The following MAP4K4 variants were observed in gnomAD, a reference collection of about 807,000 sequenced individuals.
MAP4K4 encodes mitogen-activated protein kinase kinase kinase kinase 4, also known as HPK/GCK-like kinase HGK.
Under a neutral mutation model 189.6 loss-of-function variants are expected in MAP4K4, and 38 were observed. That is an observed-to-expected ratio of 0.20 (90% CI 0.15 to 0.26). The LOEUF (loss-of-function observed/expected upper bound fraction) is 0.26. Among genes scored for constraint, MAP4K4 ranks in the 10% least tolerant of loss-of-function variants. The probability of loss-of-function intolerance (pLI) is 1.00; values close to 1 mark genes in which losing one functional copy is unlikely to be tolerated. For missense variants in MAP4K4, 1,054 were observed against 1,726.9 expected (o/e 0.61, Z 6.91); for synonymous variants, 610 against 624.3 (o/e 0.98, Z 0.34).
At chr2:101,820,993 A>G (rs562601671) in intron 3 of MAP4K4, among the ~76,000 whole-genome samples, 24 of 152,278 alleles carry the variant, frequency 1.6e-4, no homozygotes, top group Non-Finnish European at 2.9e-4. Flanking sequence ...GTTTTAGAAT[A>G]AAGTTCCTTT....
chr2:101,787,468 G>A (rs1387413281), intron 2 of MAP4K4, among the ~76,000 whole-genome samples: 1 of 152,188 alleles, frequency 6.6e-6, no homozygotes, highest in Non-Finnish European at 1.5e-5. Context: ...TAGCTAAAGA[G>A]ATGCCAGGAG....
intron 3 of MAP4K4, among the ~76,000 whole-genome samples, chr2:101,820,454 G>C (rs574103749): frequency 1.1e-3 from 161 of 152,224 alleles, no homozygotes; most frequent in Non-Finnish European, 1.5e-3. Flanking sequence ...TTTTGTTTTT[G>C]TGTAGTTTTT....
At chr2:101,749,261 A>G (rs1274110928) in intron 2 of MAP4K4, among the ~76,000 whole-genome samples, 2 of 151,986 alleles carry the variant, frequency 1.3e-5, no homozygotes, top group Non-Finnish European at 3.0e-5. Context: ...TTCAAACTGT[A>G]CTACAAGGCT....
chr2:101,822,454 T>C (rs1341005821), intron 3 of MAP4K4, among the ~76,000 whole-genome samples: 1 of 152,264 alleles, frequency 6.6e-6, no homozygotes, highest in Non-Finnish European at 1.5e-5. Flanking sequence ...TGAGAATTAC[T>C]ATTCTAAGAT....
intron 2 of MAP4K4, among the ~76,000 whole-genome samples, chr2:101,782,326 A>C (rs563566667): frequency 1.3e-5 from 2 of 152,174 alleles, no homozygotes. Context: ...ATTGCCTGCA[A>C]TTGAGGTATA....
chr2:101,809,436 A>G (rs1225788759), intron 3 of MAP4K4, among the ~76,000 whole-genome samples: 1 of 151,758 alleles, frequency 6.6e-6, no homozygotes, highest in African/African-American at 2.4e-5. Flanking sequence ...TAATCGATAT[A>G]TTTTCCCTGA....
chr2:101,797,547 T>C (rs1312894452), intron 3 of MAP4K4, among the ~76,000 whole-genome samples: 1 of 152,150 alleles, frequency 6.6e-6, no homozygotes, highest in Non-Finnish European at 1.5e-5. Flanking sequence ...TTTTCTTACC[T>C]TAGACAACTT....
In MAP4K4 at chr2:101,868,017, G is replaced by T; in HGVS notation, c.2455-12G>T. On this transcript the variant is annotated splice_polypyrimidine_tract_variant and intron_variant, in intron 20 of 32. Transcript: ENST00000324219. ...GGCTTCTCGGACTCCACGAAACTGC[G>T]CTGTACTGAAGGGCGAAGTGGTAAG... 3 of 1,613,192 alleles carry T rather than the reference G, an allele frequency of 1.9e-6. No individual in the cohort carries two copies. Among genetic ancestry groups the T allele is most frequent in the Non-Finnish European group, 8.5e-7 (1 of 1,179,676 alleles).
At chr2:101,700,779 G>A (rs1322102777) in intron 2 of MAP4K4, among the ~76,000 whole-genome samples, 2 of 137,404 alleles carry the variant, frequency 1.5e-5, no homozygotes, top group Non-Finnish European at 3.3e-5. Flanking sequence ...TCAGTAAAAT[G>A]TGTTTTTTTT....
intron 12 of MAP4K4, among the ~76,000 whole-genome samples, chr2:101,846,831 C>T (rs1489112212): frequency 2.0e-5 from 3 of 152,156 alleles, no homozygotes; most frequent in South Asian, 2.1e-4. Flanking sequence ...GGTCAGCTAG[C>T]TGCTTGTTAC....
chr2:101,872,934 C>G (rs2098091583), intron 24 of MAP4K4, among the ~76,000 whole-genome samples: 1 of 152,172 alleles, frequency 6.6e-6, no homozygotes. Context: ...ACTCACTAAA[C>G]CGGCAAATTT....
chr2:101,791,512 C>T (rs1301012979), intron 3 of MAP4K4, among the ~76,000 whole-genome samples: 1 of 152,026 alleles, frequency 6.6e-6, no homozygotes, highest in Non-Finnish European at 1.5e-5. Flanking sequence ...ACTTTATGCT[C>T]ATGTTTGCCC....
intron 4 of MAP4K4, among the ~76,000 whole-genome samples, chr2:101,824,428 G>T (rs1415207323): frequency 6.6e-6 from 1 of 152,130 alleles, no homozygotes; most frequent in Non-Finnish European, 1.5e-5. Flanking sequence ...ACTTGGAAAT[G>T]AGAGACAGAT....
intron 10 of MAP4K4, among the ~76,000 whole-genome samples, chr2:101,841,567 C>G (rs1405892326): frequency 6.6e-6 from 1 of 151,904 alleles, no homozygotes; most frequent in African/African-American, 2.4e-5. Context: ...CTCCCAGGTT[C>G]AAGTGATTGT....
Position 101,893,059 on chromosome 2 carries a change from C to T in MAP4K4, c.*1810C>T, listed in dbSNP as rs144265864. 193 of 456,442 alleles carry T rather than the reference C, an allele frequency of 4.2e-4. 3 individuals carry two copies. The East Asian group carries it at 0.011, about 26-fold the overall frequency. The allele number at this position is 456,442 out of a possible 1,614,324, so 28.3% of individuals were successfully genotyped here. ...ATGGGGGATTTTCCCTCTGCTCCCACCCACCTAAACACAGCAGCCATTTGT... is the reference window on the plus strand; with the variant it reads ...ATGGGGGATTTTCCCTCTGCTCCCATCCACCTAAACACAGCAGCCATTTGT... On this transcript the variant is annotated 3_prime_UTR_variant, in exon 33 of 33. Coordinates refer to ENST00000324219, the Ensembl canonical transcript of MAP4K4.
intron 9 of MAP4K4, among the ~76,000 whole-genome samples, chr2:101,839,490 C>T (rs1299607393): frequency 6.6e-6 from 1 of 152,166 alleles, no homozygotes; most frequent in East Asian, 1.9e-4. Context: ...CCCTTTACCC[C>T]CTTGCTGCCA....
At chr2:101,794,821 T>A (rs1198051030) in intron 3 of MAP4K4, among the ~76,000 whole-genome samples, 1 of 152,240 alleles carries the variant, frequency 6.6e-6, no homozygotes, top group Admixed American at 6.5e-5. Flanking sequence ...TATTTTTATT[T>A]TTATTTTTAA....
chr2:101,748,305 CTCTGTGTATATGGAAGTAACAAATGCT>C (rs2066692332), intron 2 of MAP4K4, among the ~76,000 whole-genome samples: 1 of 152,126 alleles, frequency 6.6e-6, no homozygotes, highest in African/African-American at 2.4e-5. Flanking sequence ...GGGTATGTGC[CTCTGTGTATATGGAAGTAACAAATGCT>C]TCTGGTATTT....
At chr2:101,831,357 C>T (rs114567458) in intron 6 of MAP4K4, among the ~76,000 whole-genome samples, 13 of 152,256 alleles carry the variant, frequency 8.5e-5, no homozygotes, top group Non-Finnish European at 1.6e-4. Context: ...GCATCTCAGT[C>T]AGTTCTCCTG....
Sources: allele counts gnomAD v4.1 joint callset (sites outside exome capture counted in the v4.1 genomes callset), GRCh38; gene constraint gnomAD v4.1.1; transcripts MANE v1.5; gene names NCBI Gene and HGNC (gene_info 2026-07-23, HGNC 2026-07-21).